STAU2: variants seen among roughly 807,000 people sequenced by gnomAD.
STAU2 encodes the protein double-stranded RNA-binding protein Staufen homolog 2.
STAU2 carries 20 observed loss-of-function variants against 65.9 expected under a neutral mutation model. The observed-to-expected ratio is 0.30, with a 90% CI of 0.21 to 0.44. STAU2 has a LOEUF of 0.44. Ranked by LOEUF, STAU2 falls within the 20% of genes least tolerant of loss-of-function variation. The pLI, the probability that STAU2 is intolerant of heterozygous loss-of-function variation, is 1.00. For missense variants in STAU2, 558 were observed against 683.9 expected, an observed-to-expected ratio of 0.82 and a Z score of 2.05; for synonymous variants, 232 against 233.9, an observed-to-expected ratio of 0.99 and a Z score of 0.07.
intron 13 of STAU2, among the ~76,000 whole-genome samples, chr8:73,430,092 A>G (rs962648402): frequency 3.3e-5 from 5 of 152,178 alleles, no homozygotes; most frequent in African/African-American, 1.2e-4. Flanking sequence ...TGGATTCTCC[A>G]TTTCTTCACA....
intron 3 of STAU2, among the ~76,000 whole-genome samples, chr8:73,731,767 A>G (rs963167114): frequency 6.6e-6 from 1 of 151,864 alleles, no homozygotes; most frequent in Non-Finnish European, 1.5e-5. Context: ...ATGAAACCCC[A>G]TCTCTACTAA....
chr8:73,473,114 C>A (rs891850182), intron 13 of STAU2, among the ~76,000 whole-genome samples: 3 of 152,276 alleles, frequency 2.0e-5, no homozygotes, highest in African/African-American at 7.2e-5. Flanking sequence ...TCATTCTTCA[C>A]ATACTAGTGA....
At chr8:73,580,866 C>G (rs1310989741) in intron 12 of STAU2, among the ~76,000 whole-genome samples, 1 of 152,186 alleles carries the variant, frequency 6.6e-6, no homozygotes, top group East Asian at 1.9e-4. Context: ...CACCTCCTTA[C>G]AGCTGGGAAG....
chr8:73,446,648 A>T (rs1163220512), intron 13 of STAU2, among the ~76,000 whole-genome samples: 1 of 152,136 alleles, frequency 6.6e-6, no homozygotes, highest in African/African-American at 2.4e-5. Context: ...AATTTAATTT[A>T]ATTTTTTTTA....
intron 13 of STAU2, among the ~76,000 whole-genome samples, chr8:73,426,467 C>T (rs1163499186): frequency 6.6e-6 from 1 of 152,084 alleles, no homozygotes; most frequent in African/African-American, 2.4e-5. Flanking sequence ...CCCTCTCTTC[C>T]CCCTACCCTT....
At chr8:73,620,931 G>C (rs969316732) in intron 6 of STAU2, among the ~76,000 whole-genome samples, 1 of 152,178 alleles carries the variant, frequency 6.6e-6, no homozygotes, top group Non-Finnish European at 1.5e-5. Flanking sequence ...AATTACAGGG[G>C]AGATGATGCA....
intron 13 of STAU2, chr8:73,550,809 A>G (rs1181704500): frequency 1.0e-6 from 1 of 987,428 alleles, no homozygotes; most frequent in Non-Finnish European, 1.2e-6. Flanking sequence ...AAACACTAAC[A>G]ACTACCTGGC....
intron 13 of STAU2, among the ~76,000 whole-genome samples, chr8:73,472,212 AG>A (rs1820074352): frequency 6.6e-6 from 1 of 152,220 alleles, no homozygotes; most frequent in Admixed American, 6.5e-5. Context: ...GTTTAAAATA[AG>A]GCTTCATGAA....
chr8:73,487,392 A>G (rs964867200), intron 13 of STAU2, among the ~76,000 whole-genome samples: 43 of 152,238 alleles, frequency 2.8e-4, no homozygotes, highest in African/African-American at 9.9e-4. Flanking sequence ...TTGGAAATTA[A>G]TAAGAAAGTG....
At chr8:73,701,241 C>A (rs189203245) in intron 4 of STAU2, among the ~76,000 whole-genome samples, 1 of 152,136 alleles carries the variant, frequency 6.6e-6, no homozygotes, top group East Asian at 1.9e-4. Flanking sequence ...TAATACCCCA[C>A]AGGCAGAGGC....
At chr8:73,692,565 A>G (rs530346746) in intron 4 of STAU2, among the ~76,000 whole-genome samples, 3 of 152,204 alleles carry the variant, frequency 2.0e-5, no homozygotes, top group East Asian at 1.9e-4. Context: ...ACTAGTAAAT[A>G]TAAGTATGTG....
chr8:73,549,879 T>C (rs1807199709), intron 13 of STAU2: 1 of 985,664 alleles, frequency 1.0e-6, no homozygotes, highest in South Asian at 4.7e-5. Flanking sequence ...ATTTCTAAAC[T>C]ACAGTCCAAT....
chr8:73,588,783 T>C (rs1810561434), intron 11 of STAU2, among the ~76,000 whole-genome samples: 1 of 152,124 alleles, frequency 6.6e-6, no homozygotes, highest in African/African-American at 2.4e-5. Flanking sequence ...CTGCAAATGC[T>C]GGGAAATGTA....
At position 73,723,108 on chromosome 8, in the gene STAU2, C is replaced by CCA. The variant is rs370518442; in HGVS notation, c.-17-13948_-17-13947dup. The stretch of plus-strand genomic sequence containing the variant: ...CTAGAGTGCGTGCGTGCCCACACAC[C>CCA]CACACACACACACACACATACACAC... On this transcript the variant is annotated intron_variant, in intron 3 of 14. Transcript: ENST00000524300. Among the ~76,000 whole-genome samples, 1,230 of 149,022 alleles carry CCA rather than the reference C, an allele frequency of 8.3e-3. 5 individuals carry two copies. Among genetic ancestry groups the CCA allele is most frequent in the Middle Eastern group, 0.038 (11 of 288 alleles).
intron 9 of STAU2, among the ~76,000 whole-genome samples, chr8:73,606,026 GA>G (rs1554548965): frequency 6.8e-6 from 1 of 146,748 alleles, no homozygotes; most frequent in African/African-American, 2.5e-5. Flanking sequence ...AAAAGAAAAA[GA>G]AAAAAAAATC....
At chr8:73,653,850 CT>C (rs1377239822) in intron 6 of STAU2, 4 of 431,828 alleles carry the variant, frequency 9.3e-6, no homozygotes, top group South Asian at 3.3e-5. Flanking sequence ...CTTCAAATCC[CT>C]TTTACCATGG....
chr8:73,685,914 A>C (rs1004726489), intron 5 of STAU2, among the ~76,000 whole-genome samples: 1 of 152,224 alleles, frequency 6.6e-6, no homozygotes, highest in Non-Finnish European at 1.5e-5. Context: ...AATGCCCACC[A>C]ATCAACGAAC....
intron 9 of STAU2, among the ~76,000 whole-genome samples, chr8:73,610,428 C>T (rs1454551073): frequency 6.6e-6 from 1 of 151,262 alleles, no homozygotes; most frequent in Non-Finnish European, 1.5e-5. Context: ...CCCAGCTACT[C>T]TGGAGGTTGA....
Position 73,555,259 on chromosome 8 carries a change from C to T in STAU2, c.1223-2940G>A, listed in dbSNP as rs1312149659. 3.9e-5 allele frequency among the ~76,000 whole-genome samples: 6 copies of T among 152,088 alleles called. No individual in the cohort carries two copies. In the East Asian group the frequency reaches 1.2e-3, roughly 29 times the overall value. ...GAGGAAGAGGACTGAGAGCAGATGGCCAGCAGGAGCAAGGGCAGGGACCTG... is the reference window on the plus strand; with the variant it reads ...GAGGAAGAGGACTGAGAGCAGATGGTCAGCAGGAGCAAGGGCAGGGACCTG... On this transcript the variant is annotated intron_variant, in intron 12 of 14. Transcript: ENST00000524300.
Sources: gnomAD v4.1 joint callset for allele counts (sites outside exome capture counted in the v4.1 genomes callset) on GRCh38, gnomAD v4.1.1 for gene constraint, MANE v1.5 for transcripts, NCBI Gene and HGNC (gene_info 2026-07-23, HGNC 2026-07-21) for gene names.